KIAA1217: variants seen among roughly 807,000 people sequenced by gnomAD.
The protein encoded by KIAA1217 is KIAA1217.
KIAA1217 carries 88 observed loss-of-function variants against 163.9 expected under a neutral mutation model. That is an observed-to-expected ratio of 0.54 (90% CI 0.45 to 0.64). The LOEUF is 0.64. Ranked by LOEUF, KIAA1217 falls within the 30% of genes least tolerant of loss-of-function variation. The pLI, the probability that KIAA1217 is intolerant of heterozygous loss-of-function variation, is 0.00. For missense variants in KIAA1217, 2,372 were observed against 2,475.0 expected (o/e 0.96, Z 0.88); for synonymous variants, 903 against 923.1 (o/e 0.98, Z 0.39).
chr10:24,356,561 G>C (rs10764468), intron 2 of KIAA1217, among the ~76,000 whole-genome samples: 60,033 of 152,088 alleles, frequency 0.39, 12,860 homozygotes, highest in Middle Eastern at 0.49. Context: ...ACTTAATCCC[G>C]AATGCAACAG....
intron 1 of KIAA1217, among the ~76,000 whole-genome samples, chr10:23,969,203 T>G (rs1845198635): frequency 6.6e-6 from 1 of 152,094 alleles, no homozygotes. Context: ...CCTGCCTAAT[T>G]TTTTGTATTT....
At chr10:24,141,420 C>T (rs180851538) in intron 2 of KIAA1217, among the ~76,000 whole-genome samples, 13 of 152,050 alleles carry the variant, frequency 8.5e-5, no homozygotes, top group East Asian at 1.9e-4. Context: ...AGAAATATGC[C>T]GTAGCAGCAG....
intron 3 of KIAA1217, among the ~76,000 whole-genome samples, chr10:24,422,029 T>C (rs899510258): frequency 7.2e-5 from 11 of 152,168 alleles, no homozygotes; most frequent in African/African-American, 1.2e-4. Context: ...GGAGGCCTCA[T>C]AATCATGGCA....
At chr10:23,882,119 A>C (rs970774469) in intron 1 of KIAA1217, among the ~76,000 whole-genome samples, 2 of 152,008 alleles carry the variant, frequency 1.3e-5, no homozygotes, top group Non-Finnish European at 2.9e-5. Flanking sequence ...AAACCATAAA[A>C]ACACATATAA....
At chr10:24,051,277 A>G (rs1223443661) in intron 2 of KIAA1217, among the ~76,000 whole-genome samples, 2 of 152,122 alleles carry the variant, frequency 1.3e-5, no homozygotes, top group Non-Finnish European at 2.9e-5. Context: ...GCTGAGTAGT[A>G]TTCCACATTT....
chr10:24,361,982 C>CAAAAAAAAAAAAA (rs68117028), intron 2 of KIAA1217, among the ~76,000 whole-genome samples: 5 of 100,568 alleles, frequency 5.0e-5, no homozygotes, highest in African/African-American at 1.9e-4. Flanking sequence ...GACTCTGTCT[C>CAAAAAAAAAAAAA]AAAAAAAAAA....
Position 24,494,551 on chromosome 10 carries a change from TCA to T in KIAA1217, c.1732_1733del (p.Gln578ValfsTer5). On this transcript the variant is annotated frameshift_variant, in exon 7 of 21. Coordinates refer to ENST00000376454, the MANE Select transcript of KIAA1217 (RefSeq NM_019590.5). LOFTEE classifies it high-confidence loss of function. Reference sequence around the variant, plus strand: ...AGATTGCCAGTTTAACTGGCCTTGTTCAGTCTGCGCTTTTTAAAGGGCCCATT... The same window carrying T: ...AGATTGCCAGTTTAACTGGCCTTGTTGTCTGCGCTTTTTAAAGGGCCCATT... Reference protein sequence around the residue: ...KQIASLTGLVQSALFKGPITS... With the variant: ...KQIASLTGLVXSALFKGPITS... The T allele has an allele frequency of 6.2e-7, 1 of 1,614,194 alleles. No homozygotes were observed. Among genetic ancestry groups the T allele is most frequent in the Non-Finnish European group, 8.5e-7 (1 of 1,180,010 alleles).
At chr10:23,842,651 A>G (rs1838840939) in intron 1 of KIAA1217, among the ~76,000 whole-genome samples, 1 of 152,084 alleles carries the variant, frequency 6.6e-6, no homozygotes, top group East Asian at 1.9e-4. Context: ...ACCAACTTTT[A>G]ATTACATGGT....
chr10:23,792,971 C>T (rs898760931), intron 1 of KIAA1217, among the ~76,000 whole-genome samples: 1 of 149,806 alleles, frequency 6.7e-6, no homozygotes, highest in African/African-American at 2.5e-5. Flanking sequence ...CCATTTTTCA[C>T]AGTGCCTTAC....
At chr10:24,289,720 T>C (rs1017985587) in intron 2 of KIAA1217, among the ~76,000 whole-genome samples, 46 of 151,698 alleles carry the variant, frequency 3.0e-4, no homozygotes, top group African/African-American at 1.1e-3. Context: ...CTGGCAAGGG[T>C]AGGGACCTCT....
intron 1 of KIAA1217, among the ~76,000 whole-genome samples, chr10:23,730,821 G>A (rs1320837606): frequency 6.6e-6 from 1 of 152,214 alleles, no homozygotes; most frequent in East Asian, 1.9e-4. Context: ...GGAAAGCAAT[G>A]GACTTTTGTA....
intron 2 of KIAA1217, among the ~76,000 whole-genome samples, chr10:24,300,102 G>T (rs966950669): frequency 1.3e-5 from 2 of 152,188 alleles, no homozygotes; most frequent in African/African-American, 4.8e-5. Context: ...CGTACAGAGA[G>T]ATGCTTTACC....
intron 1 of KIAA1217, among the ~76,000 whole-genome samples, chr10:23,801,503 A>T (rs1331236382): frequency 6.6e-6 from 1 of 152,212 alleles, no homozygotes; most frequent in Non-Finnish European, 1.5e-5. Flanking sequence ...AGCATGGTCC[A>T]AATCAAAACT....
intron 1 of KIAA1217, among the ~76,000 whole-genome samples, chr10:23,881,057 A>G (rs538452063): frequency 6.6e-6 from 1 of 151,910 alleles, no homozygotes; most frequent in African/African-American, 2.4e-5. Flanking sequence ...GGGGAAAGTG[A>G]GGATTTCAGA....
chr10:24,467,131 A>C (rs1395041652), intron 5 of KIAA1217, among the ~76,000 whole-genome samples: 1 of 152,042 alleles, frequency 6.6e-6, no homozygotes, highest in Non-Finnish European at 1.5e-5. Flanking sequence ...ATTCGATTTG[A>C]CTTATGGTTC....
intron 1 of KIAA1217, among the ~76,000 whole-genome samples, chr10:24,005,080 G>A (rs1052744985): frequency 1.4e-4 from 21 of 152,220 alleles, no homozygotes; most frequent in African/African-American, 4.8e-4. Flanking sequence ...GCCATGGAGA[G>A]AATGGGCTAC....
intron 2 of KIAA1217, among the ~76,000 whole-genome samples, chr10:24,280,671 A>G (rs1000781210): frequency 6.6e-6 from 1 of 152,048 alleles, no homozygotes; most frequent in African/African-American, 2.4e-5. Context: ...TTAGCCAAGC[A>G]TGGTCACAGG....
intron 1 of KIAA1217, among the ~76,000 whole-genome samples, chr10:23,849,375 G>T (rs890555960): frequency 6.6e-6 from 1 of 152,036 alleles, no homozygotes; most frequent in Admixed American, 6.6e-5. Context: ...CTGGTGAAAA[G>T]TTCTTTGCTT....
chr10:24,397,546 C>A (rs571821183), intron 3 of KIAA1217, among the ~76,000 whole-genome samples: 53 of 152,138 alleles, frequency 3.5e-4, no homozygotes, highest in Non-Finnish European at 5.9e-4. Context: ...ACATACTTAA[C>A]CACTACAATG....
Sources: gnomAD v4.1 joint callset for allele counts (sites outside exome capture counted in the v4.1 genomes callset) on GRCh38, gnomAD v4.1.1 for gene constraint, MANE v1.5 for transcripts, NCBI Gene and HGNC (gene_info 2026-07-23, HGNC 2026-07-21) for gene names.